The following BMERB1 variants were observed in gnomAD, a reference collection of about 807,000 sequenced individuals.
BMERB1 encodes bMERB domain-containing protein 1.
A neutral mutation model predicts 23.6 loss-of-function variants in BMERB1; 12 were observed. The ratio of observed to expected loss-of-function variants is 0.51; its 90% CI spans 0.33 to 0.82. The LOEUF is 0.82. Among genes scored for constraint, BMERB1 ranks in the 40% least tolerant of loss-of-function variants. The pLI is 0.03. For missense variants in BMERB1, 247 were observed against 255.4 expected (o/e 0.97, Z 0.22); for synonymous variants, 122 against 96.6 (o/e 1.26, Z -1.54).
intron 3 of BMERB1, among the ~76,000 whole-genome samples, chr16:15,569,023 C>G (rs1267217983): frequency 6.6e-6 from 1 of 152,014 alleles, no homozygotes; most frequent in Non-Finnish European, 1.5e-5. Flanking sequence ...TGAGAACAGC[C>G]TGGCAAACAT....
intron 2 of BMERB1, among the ~76,000 whole-genome samples, chr16:15,519,763 T>C (rs2051826826): frequency 6.6e-6 from 1 of 152,126 alleles, no homozygotes. Flanking sequence ...ACATTTAGAT[T>C]ATTTCATGGG....
chr16:15,557,828 C>T (rs991862447), intron 2 of BMERB1, among the ~76,000 whole-genome samples: 4 of 152,114 alleles, frequency 2.6e-5, no homozygotes, highest in Non-Finnish European at 5.9e-5. Context: ...AGGTGGATCA[C>T]GAGGTAAGGA....
rs559354362 is a variant in BMERB1, at chr16:15,504,653, C to T, written c.107-10652C>T. ...ATTTTTGTAGAGATGGGGTCTTGCT[C>T]TGTTGCCCAGGCTGGTCTTAAACTC... On this transcript the variant is annotated intron_variant, in intron 1 of 5. Coordinates refer to ENST00000300006, the MANE Select transcript of BMERB1 (RefSeq NM_033201.3). Among the ~76,000 whole-genome samples the T allele has an allele frequency of 3.3e-5, 5 of 152,044 alleles. No individual in the cohort carries two copies. In the South Asian group the frequency reaches 1.0e-3, roughly 32 times the overall value.
intron 2 of BMERB1, chr16:15,537,001 C>T (rs546501117): frequency 2.0e-5 from 3 of 152,292 alleles, no homozygotes; most frequent in Non-Finnish European, 2.9e-5. Context: ...TCTCTCTCTC[C>T]CCTGTAGCCT....
chr16:15,478,901 G>A (rs957379443), intron 1 of BMERB1, among the ~76,000 whole-genome samples: 5 of 152,212 alleles, frequency 3.3e-5, no homozygotes, highest in Non-Finnish European at 7.3e-5. Context: ...GGAAATACAC[G>A]AAAAGCACTT....
intron 1 of BMERB1, among the ~76,000 whole-genome samples, chr16:15,497,880 C>A (rs754176669): frequency 1.3e-5 from 2 of 152,174 alleles, no homozygotes; most frequent in South Asian, 4.1e-4. Flanking sequence ...CTCCTGCCCC[C>A]GGGTTCCTGT....
chr16:15,466,084 G>A (rs143248322), intron 1 of BMERB1, among the ~76,000 whole-genome samples: 106 of 152,132 alleles, frequency 7.0e-4, no homozygotes, highest in Non-Finnish European at 1.3e-3. Context: ...AAGAGTTTCT[G>A]CAGGGTTTTT....
chr16:15,479,362 T>G (rs1459660298), intron 1 of BMERB1, among the ~76,000 whole-genome samples: 4 of 152,220 alleles, frequency 2.6e-5, no homozygotes, highest in Admixed American at 2.6e-4. Context: ...AAATCATACT[T>G]GAGCAAAAGA....
intron 2 of BMERB1, among the ~76,000 whole-genome samples, chr16:15,550,998 T>C (rs1369600874): frequency 1.3e-5 from 2 of 152,098 alleles, no homozygotes; most frequent in East Asian, 1.9e-4. Flanking sequence ...CGCCACACAG[T>C]GGCAGGAACT....
chr16:15,477,376 T>C (rs764164970), intron 1 of BMERB1, among the ~76,000 whole-genome samples: 99 of 151,978 alleles, frequency 6.5e-4, no homozygotes, highest in Admixed American at 1.2e-3. Context: ...CCTTGACACG[T>C]GGGGATTATG....
intron 1 of BMERB1, among the ~76,000 whole-genome samples, chr16:15,471,798 G>A (rs948098347): frequency 2.6e-5 from 4 of 151,992 alleles, no homozygotes; most frequent in African/African-American, 4.8e-5. Context: ...GGCTGGTCTC[G>A]AACTTCTGGA....
At chr16:15,561,246 C>T (rs1454677403) in intron 2 of BMERB1, among the ~76,000 whole-genome samples, 1 of 144,868 alleles carries the variant, frequency 6.9e-6, no homozygotes, top group Non-Finnish European at 1.5e-5. Context: ...TGTGAGCCAC[C>T]ACGCCGGCCA....
At chr16:15,560,949 C>T (rs2030399960) in intron 2 of BMERB1, among the ~76,000 whole-genome samples, 1 of 142,558 alleles carries the variant, frequency 7.0e-6, no homozygotes, top group Admixed American at 6.9e-5. Flanking sequence ...TTTTTCTCTG[C>T]TGCTTTTTTT....
chr16:15,529,063 C>T (rs184074301), intron 2 of BMERB1, among the ~76,000 whole-genome samples: 5 of 152,044 alleles, frequency 3.3e-5, no homozygotes, highest in East Asian at 1.9e-4. Flanking sequence ...CTAGCTCTGT[C>T]GCCCAGGCTG....
intron 2 of BMERB1, among the ~76,000 whole-genome samples, chr16:15,544,999 G>A (rs1480441796): frequency 2.0e-5 from 3 of 151,692 alleles, no homozygotes; most frequent in Non-Finnish European, 4.4e-5. Context: ...TTGAGACGGA[G>A]TCTCGCTCTA....
At chr16:15,505,904 A>T (rs1396873596) in intron 1 of BMERB1, among the ~76,000 whole-genome samples, 1 of 151,824 alleles carries the variant, frequency 6.6e-6, no homozygotes, top group Non-Finnish European at 1.5e-5. Flanking sequence ...AAAAAAAAAA[A>T]AGTGAATGTC....
intron 1 of BMERB1, among the ~76,000 whole-genome samples, chr16:15,460,961 T>A (rs937934206): frequency 1.3e-5 from 2 of 151,818 alleles, no homozygotes; most frequent in African/African-American, 4.8e-5. Context: ...CATTTTCTAC[T>A]AAAAATACAA....
At chr16:15,450,940 T>TG (rs2051036325) in intron 1 of BMERB1, among the ~76,000 whole-genome samples, 2 of 152,102 alleles carry the variant, frequency 1.3e-5, no homozygotes, top group Admixed American at 1.3e-4. Context: ...ATCATATCGA[T>TG]GATCATTTTA....
At chr16:15,557,696 A>T (rs2030303033) in intron 2 of BMERB1, among the ~76,000 whole-genome samples, 1 of 152,180 alleles carries the variant, frequency 6.6e-6, no homozygotes, top group Non-Finnish European at 1.5e-5. Context: ...AGAAACTGGG[A>T]CAGCCCCAGG....
Sources: allele counts gnomAD v4.1 joint callset (sites outside exome capture counted in the v4.1 genomes callset), GRCh38; gene constraint gnomAD v4.1.1; transcripts MANE v1.5; gene names NCBI Gene and HGNC (gene_info 2026-07-23, HGNC 2026-07-21).